The following TNRC6A variants were observed in gnomAD, a reference collection of about 807,000 sequenced individuals.
TNRC6A encodes trinucleotide repeat containing adaptor 6A.
TNRC6A carries 44 observed loss-of-function variants against 221.2 expected under a neutral mutation model. The ratio of observed to expected loss-of-function variants is 0.20; its 90% CI spans 0.16 to 0.26. The LOEUF (loss-of-function observed/expected upper bound fraction) is 0.26, where lower values mean the gene tolerates loss of function less well. TNRC6A is among the 10% of genes least tolerant of loss of function. The pLI is 1.00. For missense variants in TNRC6A, 2,199 were observed against 2,404.4 expected (o/e 0.91, Z 1.79); for synonymous variants, 847 against 838.5 (o/e 1.01, Z -0.18).
At position 24,823,302 on chromosome 16, in the gene TNRC6A, T is replaced by C; in HGVS notation, c.5514-130T>C. The C allele has an allele frequency of 1.7e-6, 2 of 1,172,878 alleles. No homozygotes were observed. The highest frequency in any genetic ancestry group is 2.4e-6 in the Non-Finnish European group (2 of 837,550). 72.7% of individuals were successfully genotyped at this position (1,172,878 alleles called of 1,614,324 possible). A position where few individuals can be genotyped will look rare whatever the true frequency, so the allele number is the denominator to read the frequency against. On this transcript the variant is annotated intron_variant, in intron 24 of 24. Coordinates refer to ENST00000395799, the MANE Select transcript of TNRC6A (RefSeq NM_014494.4). The surrounding 1 kb of genome is among the most constrained non-coding windows in gnomAD (Gnocchi z 4.3). ...GGGTGAAGGGAGGGCACGCAGGTTA[T>C]GTGGTGTAGTCTCTCCCTCTGTGCC...
chr16:24,624,635 C>T (rs559458722), intron 1 of TNRC6A, among the ~76,000 whole-genome samples: 1 of 152,138 alleles, frequency 6.6e-6, no homozygotes, highest in East Asian at 1.9e-4. Context: ...CACATCACCA[C>T]ATCTGGCTAA....
intron 2 of TNRC6A, among the ~76,000 whole-genome samples, chr16:24,702,250 T>G (rs1293849523): frequency 6.7e-6 from 1 of 150,086 alleles, no homozygotes; most frequent in Non-Finnish European, 1.5e-5. Flanking sequence ...CAATCTTTCC[T>G]CACTGCAGCC....
At chr16:24,745,812 T>A (rs887975693) in intron 2 of TNRC6A, among the ~76,000 whole-genome samples, 7 of 116,726 alleles carry the variant, frequency 6.0e-5, no homozygotes. Context: ...CCCCCCCAGC[T>A]AATTGTTAGG....
rs141156427 is a variant in TNRC6A at position 24,780,906 on chromosome 16, T to C, written c.589+3548T>C. On this transcript the variant is annotated intron_variant, in intron 5 of 24. Transcript: ENST00000395799. ...ATCCCCATCCATCCGTGCTCTTGCATTGGGCTTTTAGCACGGTGTACCTCC... is the reference window on the plus strand; with the variant it reads ...ATCCCCATCCATCCGTGCTCTTGCACTGGGCTTTTAGCACGGTGTACCTCC... 8.1e-4 allele frequency among the ~76,000 whole-genome samples: 123 copies of C among 152,240 alleles called. 1 individual carries two copies. Among genetic ancestry groups the C allele is most frequent in the African/African-American group, 2.8e-3 (115 of 41,504 alleles).
At chr16:24,704,510 C>A (rs1243990956) in intron 2 of TNRC6A, among the ~76,000 whole-genome samples, 9 of 151,296 alleles carry the variant, frequency 5.9e-5, no homozygotes, top group African/African-American at 2.2e-4. Context: ...ACTAAAAATA[C>A]AAAAAGTAGC....
chr16:24,803,293 C>A lies in TNRC6A; in HGVS notation c.3695-884C>A, dbSNP rs373122382. Reference sequence around the variant, plus strand: ...AATTAGCTGGGTGTGGTGGTGGGTGCCTGTAATCCCAGCTGCTCAGGAGGC... The same window carrying A: ...AATTAGCTGGGTGTGGTGGTGGGTGACTGTAATCCCAGCTGCTCAGGAGGC... On this transcript the variant is annotated intron_variant, in intron 11 of 24. Transcript: ENST00000395799. Among the ~76,000 whole-genome samples the A allele has an allele frequency of 2.0e-5, 3 of 151,872 alleles. No individual in the cohort carries two copies. The South Asian group carries it at 6.2e-4, about 32-fold the overall frequency.
chr16:24,739,477 A>G (rs1171776530), intron 2 of TNRC6A, among the ~76,000 whole-genome samples: 1 of 90,032 alleles, frequency 1.1e-5, no homozygotes, highest in African/African-American at 3.9e-5. Context: ...TTTTCCTTTC[A>G]CTTTTTTTTT....
intron 1 of TNRC6A, among the ~76,000 whole-genome samples, chr16:24,616,456 C>T (rs1340364021): frequency 4.0e-5 from 6 of 151,792 alleles, no homozygotes; most frequent in Non-Finnish European, 7.4e-5. Flanking sequence ...GAGAAAAAGG[C>T]ATACAAATTT....
At position 24,825,403 on chromosome 16, in the gene TNRC6A, G is replaced by A. The variant is rs1398333611; in HGVS notation, c.*1596G>A. 3 of 152,616 alleles carry A rather than the reference G, an allele frequency of 2.0e-5. No homozygotes were observed. The highest frequency in any genetic ancestry group is 2.9e-5 in the Non-Finnish European group (2 of 68,032). 9.5% of individuals were successfully genotyped at this position (152,616 alleles called of 1,614,324 possible). On this transcript the variant is annotated 3_prime_UTR_variant, in exon 25 of 25. Transcript: ENST00000395799. ...ATTGTAAAATGTACAGTTTGGTTGT[G>A]TTTGAATTATGAAATTTCTTCAGAT...
intron 2 of TNRC6A, among the ~76,000 whole-genome samples, chr16:24,722,784 G>A (rs2056432480): frequency 6.6e-6 from 1 of 152,128 alleles, no homozygotes; most frequent in Non-Finnish European, 1.5e-5. Flanking sequence ...CAAAAAAGAG[G>A]CAAAGAGAAT....
intron 2 of TNRC6A, among the ~76,000 whole-genome samples, chr16:24,680,742 T>A (rs2055516709): frequency 6.6e-6 from 1 of 151,590 alleles, no homozygotes; most frequent in Admixed American, 6.6e-5. Context: ...AACTATTATT[T>A]ATTAGGAAGC....
chr16:24,805,931 A>G (rs1044208064), intron 15 of TNRC6A, among the ~76,000 whole-genome samples, 198 bp downstream of exon 15: 44 of 152,228 alleles, frequency 2.9e-4, no homozygotes, highest in African/African-American at 9.9e-4. Flanking sequence ...ATGCTGTGAG[A>G]GGAAACCTCA....
intron 4 of TNRC6A, among the ~76,000 whole-genome samples, chr16:24,763,349 C>T (rs1192772717): frequency 2.6e-5 from 4 of 152,172 alleles, no homozygotes; most frequent in Non-Finnish European, 4.4e-5. Context: ...ACAGTTAAAT[C>T]CTTTTCCAGT....
At chr16:24,712,678 C>G (rs1453637953) in intron 2 of TNRC6A, among the ~76,000 whole-genome samples, 1 of 152,090 alleles carries the variant, frequency 6.6e-6, no homozygotes, top group Non-Finnish European at 1.5e-5. Context: ...GTTAATTTTA[C>G]CCTTTTTGTT....
rs56800853 is a variant in TNRC6A at position 24,750,598 on chromosome 16, A to G, written c.54-128A>G. The G allele has an allele frequency of 0.032, 37,890 of 1,181,862 alleles. 3,845 individuals carry two copies. The East Asian group carries it at 0.36, about 11-fold the overall frequency. 73.2% of individuals were successfully genotyped at this position (1,181,862 alleles called of 1,614,324 possible). A position where few individuals can be genotyped will look rare whatever the true frequency, so the allele number is the denominator to read the frequency against. On this transcript the variant is annotated intron_variant, in intron 2 of 24. Transcript: ENST00000395799. ...AGGTTGCAGGTTGTGTTTTATTTCA[A>G]TGAATGATAAAATAATAATTTGCCA...
At position 24,645,834 on chromosome 16, in the gene TNRC6A, CAAAAAAAAAAAAAAAAAA is replaced by C. The variant is rs36106864; in HGVS notation, n.402+4841_402+4858del. Among the ~76,000 whole-genome samples the C allele has an allele frequency of 3.3e-3, 88 of 26,648 alleles. 1 individual carries two copies. The South Asian group carries it at 0.16, about 48-fold the overall frequency. The allele number at this position is 26,648 out of a possible 152,430, so 17.5% of individuals were successfully genotyped here. On this transcript the variant is annotated intron_variant and non_coding_transcript_variant, in intron 2 of 2. Transcript: ENST00000566108. ...GAAACATGACAAGACCCTGTATCTA[CAAAAAAAAAAAAAAAAAA>C]AAAAAAAAAAAAAAATTAGCAGGCC...
intron 2 of TNRC6A, among the ~76,000 whole-genome samples, chr16:24,698,012 G>C (rs2055895478): frequency 7.0e-6 from 1 of 143,814 alleles, no homozygotes; most frequent in South Asian, 2.2e-4. Flanking sequence ...ACACAGTGAG[G>C]CTCTGTCTCA....
rs752744990 is a variant in TNRC6A, at chr16:24,795,063, CCATTT to C, written c.3528+351_3528+355del. 3.3e-5 allele frequency among the ~76,000 whole-genome samples: 5 copies of C among 152,246 alleles called. No homozygotes were observed. The East Asian group carries it at 5.8e-4, about 18-fold the overall frequency. On this transcript the variant is annotated intron_variant, in intron 8 of 24. Coordinates refer to ENST00000395799, the MANE Select transcript of TNRC6A (RefSeq NM_014494.4). ...TTCCATCCCACTGCCAGTTCATCTC[CCATTT>C]CATTTCCTCACCTGGAGTCCCCCGC...
chr16:24,700,741 G>A (rs1442470283), intron 2 of TNRC6A, among the ~76,000 whole-genome samples: 1 of 152,106 alleles, frequency 6.6e-6, no homozygotes, highest in Admixed American at 6.6e-5. Context: ...GCTGTCCTTA[G>A]GCAATAGCCT....
Sources: gnomAD v4.1 joint callset for allele counts (sites outside exome capture counted in the v4.1 genomes callset) on GRCh38, gnomAD v4.1.1 for gene constraint, Gnocchi (gnomAD v3.1) non-coding constraint, MANE v1.5 for transcripts, NCBI Gene and HGNC (gene_info 2026-07-23, HGNC 2026-07-21) for gene names.